BRD4: variants seen among roughly 807,000 people sequenced by gnomAD.
The protein encoded by BRD4 is bromodomain-containing protein 4.
Under a neutral mutation model 142.1 loss-of-function variants are expected in BRD4, and 16 were observed. That is an observed-to-expected ratio of 0.11 (90% confidence interval 0.08 to 0.17). BRD4 has a LOEUF of 0.17. BRD4 is among the 10% of genes least tolerant of loss of function. The pLI is 1.00. For missense variants in BRD4, 1,424 were observed against 1,810.9 expected (o/e 0.79, Z 3.88); for synonymous variants, 833 against 707.5 (o/e 1.18, Z -2.82).
At chr19:15,251,774 C>T (rs571422045) in intron 11 of BRD4, among the ~76,000 whole-genome samples, 1 of 152,208 alleles carries the variant, frequency 6.6e-6, no homozygotes, top group Non-Finnish European at 1.5e-5. Flanking sequence ...AAGCACCCTG[C>T]CGGCCCACGA....
At chr19:15,249,313 C>G in intron 11 of BRD4, 1 of 1,613,938 alleles carries the variant, frequency 6.2e-7, no homozygotes, top group Non-Finnish European at 8.5e-7. Flanking sequence ...AGAGAGAAAC[C>G]AGTGTGAGAG....
At chr19:15,329,129 C>T (rs974238595) in intron 1 of BRD4, among the ~76,000 whole-genome samples, 8 of 151,582 alleles carry the variant, frequency 5.3e-5, no homozygotes, top group African/African-American at 1.9e-4. Flanking sequence ...CCAAACTCAT[C>T]TCTTATGTAT....
At chr19:15,273,504 G>C (rs1299486523) in intron 1 of BRD4, among the ~76,000 whole-genome samples, 1 of 152,336 alleles carries the variant, frequency 6.6e-6, no homozygotes, top group East Asian at 1.9e-4. Flanking sequence ...GATGCTGCCT[G>C]TGTGTGGAAG....
intron 11 of BRD4, chr19:15,247,522 G>A (rs753833601): frequency 8.6e-6 from 2 of 233,146 alleles, no homozygotes; most frequent in Non-Finnish European, 1.7e-5. Context: ...GGACCCTGGA[G>A]GAGAGCTGGC....
chr19:15,269,048 G>A lies in BRD4; in HGVS notation c.286-6C>T. 1 of 1,613,800 alleles carries A rather than the reference G, an allele frequency of 6.2e-7. No homozygotes were observed. ...TTAATGATCTTATAGTAATCCTGGA[G>A]AGCAGAGAGCAAAAGTCCAGTGTCA... On this transcript the variant is annotated splice_region_variant and splice_polypyrimidine_tract_variant and intron_variant, in intron 2 of 19. Transcript: ENST00000679869.
rs1270066809 is a variant in BRD4, at chr19:15,257,301, C to A, written c.1342-128G>T. ...CCGAGGGCGAAAGAGGATGGTGATC[C>A]TGTCTCTTTGCTGCCGAGACAGGGG... On this transcript the variant is annotated intron_variant, in intron 7 of 19. Coordinates refer to ENST00000679869, the MANE Select transcript of BRD4 (RefSeq NM_001379291.1). 3 of 914,322 alleles carry A rather than the reference C, an allele frequency of 3.3e-6. No individual in the cohort carries two copies. In the African/African-American group the frequency reaches 5.0e-5, roughly 15 times the overall value. 56.6% of individuals were successfully genotyped at this position (914,322 alleles called of 1,614,324 possible). A position where few individuals can be genotyped will look rare whatever the true frequency, so the allele number is the denominator to read the frequency against.
chr19:15,249,147 C>T, intron 11 of BRD4: 1 of 1,483,682 alleles, frequency 6.7e-7, no homozygotes, highest in African/African-American at 1.4e-5. Context: ...GGGGGACAGG[C>T]CCAGGGCTCT....
intron 11 of BRD4, chr19:15,247,791 G>C (rs948174305): frequency 4.3e-6 from 1 of 232,764 alleles, no homozygotes; most frequent in Non-Finnish European, 8.5e-6. Context: ...AGAATAGTTT[G>C]TTTGGCAAAC....
intron 1 of BRD4, among the ~76,000 whole-genome samples, chr19:15,274,148 T>TG (rs752737133): frequency 3.9e-5 from 6 of 152,166 alleles, no homozygotes; most frequent in Non-Finnish European, 8.8e-5. Flanking sequence ...CATATCAGCT[T>TG]GCTGGGAACC....
At position 15,276,585 on chromosome 19, in the gene BRD4, C is replaced by T. The variant is rs555897475; in HGVS notation, c.-34-3452G>A. Among the ~76,000 whole-genome samples, 3 of 152,262 alleles carry T rather than the reference C, an allele frequency of 2.0e-5. No homozygotes were observed. In the South Asian group the frequency reaches 6.2e-4, roughly 32 times the overall value. On this transcript the variant is annotated intron_variant, in intron 1 of 19. Transcript: ENST00000679869. The stretch of plus-strand genomic sequence containing the variant: ...GTTCCATGGTCAGCCCCCTAGGAAC[C>T]TGAAGGCAGGCTCATCTTTATTTCA...
intron 1 of BRD4, among the ~76,000 whole-genome samples, chr19:15,317,437 G>C (rs1272736307): frequency 6.6e-6 from 1 of 152,176 alleles, no homozygotes; most frequent in Non-Finnish European, 1.5e-5. Flanking sequence ...AAACAGGCAT[G>C]CAGTAAGCAA....
At chr19:15,249,982 C>A (rs2047327275) in intron 11 of BRD4, among the ~76,000 whole-genome samples, 1 of 152,076 alleles carries the variant, frequency 6.6e-6, no homozygotes, top group African/African-American at 2.4e-5. Context: ...CCTTTCTTTC[C>A]TTTTTTGGGG....
intron 1 of BRD4, among the ~76,000 whole-genome samples, chr19:15,331,101 G>A (rs754005188): frequency 1.3e-5 from 2 of 152,046 alleles, no homozygotes; most frequent in Non-Finnish European, 2.9e-5. Flanking sequence ...ATGAACCCAA[G>A]ACCAGACACC....
intron 11 of BRD4, chr19:15,253,443 A>G: frequency 9.5e-7 from 1 of 1,048,334 alleles, no homozygotes; most frequent in Non-Finnish European, 1.4e-6. Flanking sequence ...GGTGGGCTCT[A>G]ATGGGGAACC....
At chr19:15,313,611 G>C (rs2047992515) in intron 1 of BRD4, among the ~76,000 whole-genome samples, 2 of 150,888 alleles carry the variant, frequency 1.3e-5, no homozygotes, top group Non-Finnish European at 3.0e-5. Flanking sequence ...GGCAGGCGGA[G>C]GTTGCAGTGA....
In BRD4 at chr19:15,244,223, C is replaced by G. The variant is rs760778686; in HGVS notation, c.2581+8G>C. On this transcript the variant is annotated splice_region_variant and intron_variant, in intron 13 of 19. Transcript: ENST00000679869. ...TCTCAACCCACACTGGGGCAGGCCA[C>G]GGCTCACCTGGAGGAGAGACCACTG... 3 of 1,552,024 alleles carry G rather than the reference C, an allele frequency of 1.9e-6. No individual in the cohort carries two copies. The highest frequency in any genetic ancestry group is 2.4e-5 in the South Asian group (2 of 84,574).
At chr19:15,266,266 G>A (rs1354380753) in intron 4 of BRD4, among the ~76,000 whole-genome samples, 1 of 152,234 alleles carries the variant, frequency 6.6e-6, no homozygotes, top group Non-Finnish European at 1.5e-5. Context: ...GTGGACCAGG[G>A]TGAGAATGTC....
In BRD4 at chr19:15,237,396, T is replaced by A. The variant is rs1379375934; in HGVS notation, c.*981A>T. 4.5e-6 allele frequency: 1 copy of A among 223,344 alleles called. No individual in the cohort carries two copies. Among genetic ancestry groups the A allele is most frequent in the African/African-American group, 2.2e-5 (1 of 44,622 alleles). The allele number at this position is 223,344 out of a possible 1,614,324, so 13.8% of individuals were successfully genotyped here. The stretch of plus-strand genomic sequence containing the variant: ...TTTTGTGGATTTTTTTGAGCTTTTT[T>A]CTTTTTTCACACCAGTTTGGTGGAG... On this transcript the variant is annotated 3_prime_UTR_variant, in exon 20 of 20. Coordinates refer to ENST00000679869, the MANE Select transcript of BRD4 (RefSeq NM_001379291.1).
In BRD4 at chr19:15,239,870, G is replaced by C. The variant is rs1429730154; in HGVS notation, c.3282+40C>G. On this transcript the variant is annotated intron_variant, in intron 15 of 19. Coordinates refer to ENST00000679869, the MANE Select transcript of BRD4 (RefSeq NM_001379291.1). This position sits in a 1 kb window ranked among gnomAD's most constrained non-coding sequence, Gnocchi z 7.4. ...CCGGTGAGGTGGGCAGGCACCCCCGGCCCTAGCCCACAGGACTATGGCCCA... is the reference window on the plus strand; with the variant it reads ...CCGGTGAGGTGGGCAGGCACCCCCGCCCCTAGCCCACAGGACTATGGCCCA... 1.9e-6 allele frequency: 3 copies of C among 1,613,874 alleles called. No individual in the cohort carries two copies. In the African/African-American group the frequency reaches 4.0e-5, roughly 22 times the overall value.
Sources: allele counts gnomAD v4.1 joint callset (sites outside exome capture counted in the v4.1 genomes callset), GRCh38; gene constraint gnomAD v4.1.1; non-coding constraint Gnocchi (gnomAD v3.1); transcripts MANE v1.5; gene names NCBI Gene and HGNC (gene_info 2026-07-23, HGNC 2026-07-21).